The following UQCRC2 variants were observed in gnomAD, a reference collection of about 807,000 sequenced individuals.
UQCRC2 encodes the protein ubiquinol-cytochrome c reductase core protein 2.
In UQCRC2, 49 loss-of-function variants were observed where a neutral mutation model predicts 55.6. The ratio of observed to expected loss-of-function variants is 0.88; its 90% confidence interval spans 0.70 to 1.12. The LOEUF (loss-of-function observed/expected upper bound fraction) is 1.12. UQCRC2 is among the 50% of genes most tolerant of loss of function. The probability of loss-of-function intolerance (pLI) is 0.00; values close to 1 mark genes in which losing one functional copy is unlikely to be tolerated. For synonymous variants in UQCRC2, 193 were observed against 192.0 expected (o/e 1.01, Z -0.04); for missense variants, 506 against 547.8 (o/e 0.92, Z 0.76).
chr16:21,979,236 C>G (rs930997270), intron 12 of UQCRC2, among the ~76,000 whole-genome samples: 1 of 152,210 alleles, frequency 6.6e-6, no homozygotes, highest in Non-Finnish European at 1.5e-5. Flanking sequence ...GGTCTTCACA[C>G]TGTAGCAGCC....
rs1324133365 is a variant in UQCRC2, at chr16:21,980,668, A to G, written c.1246A>G (p.Ile416Val). Residue 416 changes from isoleucine to valine, a missense_variant, in exon 13 of 14, where the codon ATT becomes GTT. Coordinates refer to ENST00000268379, the MANE Select transcript of UQCRC2 (RefSeq NM_003366.4). ...GCCACCATCCACAGTCCTTCAGCAG[A>G]TTGATTCAGTGGCTAATGCTGATAT... is the stretch of plus-strand genomic sequence containing the variant. Reference protein sequence around the residue: ...YMPPSTVLQQIDSVANADIIN... With the variant: ...YMPPSTVLQQVDSVANADIIN... 1.9e-6 allele frequency: 3 copies of G among 1,614,032 alleles called. No homozygotes were observed. In the African/African-American group the frequency reaches 4.0e-5, roughly 22 times the overall value.
chr16:21,978,502 T>C (rs1458491547), intron 12 of UQCRC2, among the ~76,000 whole-genome samples: 1 of 152,214 alleles, frequency 6.6e-6, no homozygotes, highest in Non-Finnish European at 1.5e-5. Context: ...TTACAAGACC[T>C]GTACTGCCCT....
intron 7 of UQCRC2, among the ~76,000 whole-genome samples, chr16:21,967,824 G>A (rs1039293355): frequency 2.0e-5 from 3 of 152,084 alleles, no homozygotes; most frequent in Admixed American, 1.3e-4. Context: ...AAAGATGGAC[G>A]AGAAGGGTGT....
intron 9 of UQCRC2, 129 bp downstream of exon 9, chr16:21,971,749 T>G (rs1597962846): frequency 1.5e-6 from 2 of 1,302,900 alleles, no homozygotes; most frequent in African/African-American, 2.9e-5. Flanking sequence ...ATGGCTTGGG[T>G]GTTGTATTTT....
intron 12 of UQCRC2, chr16:21,976,873 A>G (rs1036451414): frequency 2.6e-5 from 4 of 152,310 alleles, no homozygotes; most frequent in Admixed American, 6.5e-5. Context: ...AATTACTAAA[A>G]ATTTAAACAA....
intron 4 of UQCRC2, among the ~76,000 whole-genome samples, 191 bp downstream of exon 4, chr16:21,958,790 G>C (rs1898136350): frequency 6.6e-6 from 1 of 152,076 alleles, no homozygotes; most frequent in African/African-American, 2.4e-5. Context: ...AACTGTCTGG[G>C]AGTAGATATC....
chr16:21,961,365 A>T (rs773592207), intron 4 of UQCRC2: 1 of 444,258 alleles, frequency 2.3e-6, no homozygotes, highest in African/African-American at 2.0e-5. Context: ...TGATGAGACC[A>T]CTATACAGCC....
At chr16:21,958,673 A>G in intron 4 of UQCRC2, 74 bp downstream of exon 4, 1 of 1,319,310 alleles carries the variant, frequency 7.6e-7, no homozygotes, top group Non-Finnish European at 1.1e-6. Context: ...TTTCTCTGTT[A>G]TCAAGGAGGT....
chr16:21,980,013 A>G (rs1898678163), intron 12 of UQCRC2, among the ~76,000 whole-genome samples: 2 of 152,212 alleles, frequency 1.3e-5, no homozygotes, highest in Non-Finnish European at 2.9e-5. Context: ...GGCTATTGTA[A>G]GTGTTCTGAG....
intron 10 of UQCRC2, 123 bp downstream of exon 10, chr16:21,972,245 A>G (rs1278349508): frequency 2.4e-6 from 3 of 1,274,686 alleles, no homozygotes; most frequent in East Asian, 2.5e-5. Flanking sequence ...ACAATTGAAG[A>G]GATAGCCAGG....
chr16:21,980,473 C>T (rs1284909721), intron 12 of UQCRC2, 74 bp from the exon 13 acceptor site: 167 of 1,511,380 alleles, frequency 1.1e-4, no homozygotes, highest in Non-Finnish European at 1.4e-4. Context: ...ATGTTCACAG[C>T]CCCCCGCCAC....
At chr16:21,967,892 A>G (rs748015398) in intron 7 of UQCRC2, among the ~76,000 whole-genome samples, 1 of 152,148 alleles carries the variant, frequency 6.6e-6, no homozygotes, top group Non-Finnish European at 1.5e-5. Context: ...ATTACTACTT[A>G]TATAAACACA....
At chr16:21,956,825 G>C (rs1898093782) in intron 1 of UQCRC2, among the ~76,000 whole-genome samples, 1 of 152,170 alleles carries the variant, frequency 6.6e-6, no homozygotes, top group Admixed American at 6.5e-5. Flanking sequence ...CACTTTGGGA[G>C]ACCAAGGTGG....
At chr16:21,971,900 C>G (rs200582980) in intron 9 of UQCRC2, 23 bp from the exon 10 acceptor site, 1 of 1,612,608 alleles carries the variant, frequency 6.2e-7, no homozygotes, top group Non-Finnish European at 8.5e-7. Context: ...TTCTTCTTCC[C>G]TCTATCCTTA....
intron 4 of UQCRC2, 36 bp downstream of exon 4, chr16:21,958,635 C>A: frequency 6.4e-7 from 1 of 1,561,304 alleles, no homozygotes; most frequent in Non-Finnish European, 8.8e-7. Context: ...AGTGAAAATG[C>A]CAGAAAATAT....
intron 7 of UQCRC2, among the ~76,000 whole-genome samples, chr16:21,968,000 CTTTTTTTTT>C (rs544335331): frequency 2.2e-5 from 3 of 137,132 alleles, no homozygotes; most frequent in Non-Finnish European, 4.8e-5. Flanking sequence ...CTTTTTATTC[CTTTTTTTTT>C]TTTTTTTTTT....
chr16:21,970,112 C>G (rs374078444), intron 8 of UQCRC2, among the ~76,000 whole-genome samples: 1 of 152,112 alleles, frequency 6.6e-6, no homozygotes, highest in Admixed American at 6.5e-5. Flanking sequence ...ATAATGTTTT[C>G]AAGGTCCGTC....
At position 21,971,599 on chromosome 16, in the gene UQCRC2, GC is replaced by G; in HGVS notation, c.746del (p.Ala249GlufsTer24). On this transcript the variant is annotated frameshift_variant, in exon 9 of 14. Coordinates refer to ENST00000268379, the MANE Select transcript of UQCRC2 (RefSeq NM_003366.4). LOFTEE classifies it high-confidence loss of function. ...NMRGGLGLSG[A>X]KANYRGGEIR... ...GAGGGGTGGGCTTGGTTTATCTGGTGCAAAGGCCAACTACCGTGGAGGTAAG... is the reference window on the plus strand; with the variant it reads ...GAGGGGTGGGCTTGGTTTATCTGGTGAAAGGCCAACTACCGTGGAGGTAAG... 1 of 1,614,138 alleles carries G rather than the reference GC, an allele frequency of 6.2e-7. No homozygotes were observed. Among genetic ancestry groups the G allele is most frequent in the Non-Finnish European group, 8.5e-7 (1 of 1,180,012 alleles).
intron 8 of UQCRC2, 51 bp from the exon 9 acceptor site, chr16:21,971,474 T>C (rs943742904): frequency 1.4e-6 from 2 of 1,406,086 alleles, no homozygotes. Context: ...ATTTTACGAT[T>C]GTGTTTTAGT....
Sources: gnomAD v4.1 joint callset for allele counts (sites outside exome capture counted in the v4.1 genomes callset) on GRCh38, gnomAD v4.1.1 for gene constraint, MANE v1.5 for transcripts, NCBI Gene and HGNC (gene_info 2026-07-23, HGNC 2026-07-21) for gene names.